Variants in NAP1L1 observed in about 807,000 individuals in gnomAD.
NAP1L1 encodes the protein nucleosome assembly protein 1-like 1.
Under a neutral mutation model 58.9 loss-of-function variants are expected in NAP1L1, and 9 were observed. The ratio of observed to expected loss-of-function variants is 0.15; its 90% CI spans 0.09 to 0.27. The LOEUF is 0.27. Among genes scored for constraint, NAP1L1 ranks in the 10% least tolerant of loss-of-function variants. NAP1L1 has a pLI of 1.00. For synonymous variants in NAP1L1, 130 were observed against 138.3 expected, an observed-to-expected ratio of 0.94 and a Z score of 0.42; for missense variants, 302 against 458.8, an observed-to-expected ratio of 0.66 and a Z score of 3.12.
chr12:76,061,568 G>T (rs1949417701), intron 4 of NAP1L1, among the ~76,000 whole-genome samples: 1 of 152,126 alleles, frequency 6.6e-6, no homozygotes, highest in South Asian at 2.1e-4. Context: ...TGAACAGGGG[G>T]CACTGATTTT....
chr12:76,051,336 A>T (rs1948816263), intron 11 of NAP1L1, among the ~76,000 whole-genome samples: 1 of 152,024 alleles, frequency 6.6e-6, no homozygotes, highest in East Asian at 1.9e-4. Flanking sequence ...AAAATAAAAA[A>T]AAAAACCCTT....
rs1488309524 is a variant in NAP1L1, at chr12:76,036,943, C to T, written c.*11486G>A. On this transcript the variant is annotated 3_prime_UTR_variant, in exon 15 of 15. Coordinates refer to ENST00000618691, the MANE Select transcript of NAP1L1 (RefSeq NM_004537.7). Reference sequence around the variant, plus strand: ...CAAAAAAAAAAAAAACCCACAGCGCCTGTAATCCCAGCTACTCGGGAGGCT... The same window carrying T: ...CAAAAAAAAAAAAAACCCACAGCGCTTGTAATCCCAGCTACTCGGGAGGCT... 1 of 151,844 alleles carries T rather than the reference C, an allele frequency of 6.6e-6. No homozygotes were observed. The highest frequency in any genetic ancestry group is 1.9e-4 in the East Asian group (1 of 5,176). 9.4% of individuals were successfully genotyped at this position (151,844 alleles called of 1,614,324 possible).
chr12:76,064,974 T>C (rs1949596185), intron 4 of NAP1L1, among the ~76,000 whole-genome samples: 1 of 152,046 alleles, frequency 6.6e-6, no homozygotes, highest in Non-Finnish European at 1.5e-5. Context: ...AAATCTTGAC[T>C]CCAAAAACCA....
At chr12:76,075,746 C>T (rs1466921679) in intron 1 of NAP1L1, among the ~76,000 whole-genome samples, 1 of 152,192 alleles carries the variant, frequency 6.6e-6, no homozygotes, top group African/African-American at 2.4e-5. Context: ...TTGTCTACCA[C>T]ATCATCAATA....
intron 2 of NAP1L1, among the ~76,000 whole-genome samples, chr12:76,069,566 T>A (rs1305364471): frequency 6.6e-6 from 1 of 152,160 alleles, no homozygotes; most frequent in Non-Finnish European, 1.5e-5. Context: ...CCAGGAGGCA[T>A]CCTAGAGAAT....
intron 1 of NAP1L1, 36 bp downstream of exon 1, chr12:76,084,531 A>C (rs1369349296): frequency 6.6e-6 from 1 of 151,588 alleles, no homozygotes; most frequent in Non-Finnish European, 1.5e-5. Context: ...AGCCAACACC[A>C]CGTTCCCCCT....
intron 4 of NAP1L1, among the ~76,000 whole-genome samples, chr12:76,065,003 C>T (rs1490774076): frequency 6.6e-6 from 1 of 152,080 alleles, no homozygotes; most frequent in Non-Finnish European, 1.5e-5. Context: ...TTACCACTTC[C>T]TGAAACTTTC....
intron 1 of NAP1L1, chr12:76,074,518 T>C (rs1390719344): frequency 5.1e-6 from 1 of 194,512 alleles, no homozygotes; most frequent in African/African-American, 2.4e-5. Flanking sequence ...AATAGCACCA[T>C]TGGTTAAAAA....
Position 76,049,187 on chromosome 12 carries a change from T to A in NAP1L1, c.1140+13A>T. The A allele has an allele frequency of 6.2e-7, 1 of 1,609,960 alleles. No homozygotes were observed. The highest frequency in any genetic ancestry group is 8.5e-7 in the Non-Finnish European group (1 of 1,176,596). On this transcript the variant is annotated intron_variant, in intron 14 of 14. Coordinates refer to ENST00000618691, the MANE Select transcript of NAP1L1 (RefSeq NM_004537.7). ...TCTTAAATTTAATAGAAAGCAGCAC[T>A]AATTTTGCTCACCTTTGGGTCATAG...
intron 11 of NAP1L1, among the ~76,000 whole-genome samples, chr12:76,051,579 A>AT (rs775349558): frequency 6.6e-6 from 1 of 152,124 alleles, no homozygotes; most frequent in Admixed American, 6.5e-5. Flanking sequence ...GGGTCTCGCT[A>AT]TGTTGCCCAG....
chr12:76,078,016 AGTACAGATGTTTTTT>A, intron 1 of NAP1L1, among the ~76,000 whole-genome samples: 1 of 151,442 alleles, frequency 6.6e-6, no homozygotes, highest in Admixed American at 6.6e-5. Flanking sequence ...AAGAATTAAA[AGTACAGATGTTTTTT>A]AACAAAAACA....
At position 76,055,035 on chromosome 12, in the gene NAP1L1, T is replaced by A. The variant is rs757389249; in HGVS notation, c.614A>T (p.Asp205Val). The A allele has an allele frequency of 3.1e-6, 5 of 1,607,244 alleles. No homozygotes were observed. The South Asian group carries it at 4.4e-5, about 14-fold the overall frequency. The change falls in exon 8 of 15, where the codon GAT (aspartate) becomes GTT (valine). Residue 205 changes from aspartate (D) to valine (V), a missense_variant. Coordinates refer to ENST00000618691, the MANE Select transcript of NAP1L1 (RefSeq NM_004537.7). ...TTCTTTTACCATAGGCTGGCCAGCA[T>A]CTGAGAACTTCACTTTAATATCTTT... ...HLKDIKVKFS[D>V]AGQPMSFVLE...
At chr12:76,066,648 G>T (rs1017615038) in intron 4 of NAP1L1, among the ~76,000 whole-genome samples, 3 of 152,092 alleles carry the variant, frequency 2.0e-5, no homozygotes, top group African/African-American at 7.2e-5. Flanking sequence ...AAAACACTAT[G>T]AAGCTGGATG....
chr12:76,068,705 G>C, intron 3 of NAP1L1: 2 of 451,922 alleles, frequency 4.4e-6, no homozygotes. Flanking sequence ...ACTTCTAATT[G>C]AGTTGCTGTA....
At chr12:76,079,226 T>TCC (rs1950307798) in intron 1 of NAP1L1, among the ~76,000 whole-genome samples, 1 of 152,134 alleles carries the variant, frequency 6.6e-6, no homozygotes, top group Admixed American at 6.5e-5. Flanking sequence ...CCAAAACATC[T>TCC]TTTAAGAATG....
At chr12:76,051,375 A>G (rs1661017542) in intron 11 of NAP1L1, among the ~76,000 whole-genome samples, 1 of 152,090 alleles carries the variant, frequency 6.6e-6, no homozygotes, top group African/African-American at 2.4e-5. Flanking sequence ...AGTTATTGTT[A>G]ATATTGTTAA....
chr12:76,081,270 T>A (rs1385389605), intron 1 of NAP1L1, among the ~76,000 whole-genome samples: 1 of 152,132 alleles, frequency 6.6e-6, no homozygotes, highest in Non-Finnish European at 1.5e-5. Context: ...CCACACCTAT[T>A]TTTTTTCCTT....
At chr12:76,057,698 G>A (rs1949182185) in intron 6 of NAP1L1, 1 of 1,516,774 alleles carries the variant, frequency 6.6e-7, no homozygotes, top group Non-Finnish European at 8.9e-7. Flanking sequence ...GCTAAATGTA[G>A]ACAATGATTA....
intron 1 of NAP1L1, among the ~76,000 whole-genome samples, chr12:76,079,029 CCGGA>C (rs1950301538): frequency 6.6e-6 from 1 of 151,846 alleles, no homozygotes; most frequent in African/African-American, 2.4e-5. Context: ...TTATCCAGCT[CCGGA>C]TACATCAGTA....
Sources: allele counts gnomAD v4.1 joint callset (sites outside exome capture counted in the v4.1 genomes callset), GRCh38; gene constraint gnomAD v4.1.1; transcripts MANE v1.5; gene names NCBI Gene and HGNC (gene_info 2026-07-23, HGNC 2026-07-21).